RYR1: variants seen among roughly 807,000 people sequenced by gnomAD.
The protein encoded by RYR1 is ryanodine receptor 1.
RYR1 carries 342 observed loss-of-function variants against 583.5 expected under a neutral mutation model. That is an observed-to-expected ratio of 0.59 (90% CI 0.54 to 0.64). The LOEUF (loss-of-function observed/expected upper bound fraction) is 0.64. Among genes scored for constraint, RYR1 ranks in the 30% least tolerant of loss-of-function variants. The probability of loss-of-function intolerance (pLI) is 0.00; values close to 1 mark genes in which losing one functional copy is unlikely to be tolerated. For missense variants in RYR1, 6,032 were observed against 6,917.2 expected (o/e 0.87, Z 4.54); for synonymous variants, 2,791 against 2,822.5 (o/e 0.99, Z 0.35).
At chr19:38,440,901 C>T (rs375285862) in intron 2 of RYR1, 37 bp downstream of exon 2, 125 of 1,593,978 alleles carry the variant, frequency 7.8e-5, no homozygotes, top group Non-Finnish European at 9.9e-5. Flanking sequence ...GGGACAGGGG[C>T]GTCTGAAGGG....
chr19:38,519,580 A>C (rs1971131699), intron 67 of RYR1, 126 bp downstream of exon 67: 4 of 1,105,762 alleles, frequency 3.6e-6, no homozygotes, highest in Admixed American at 4.0e-5. Flanking sequence ...CAACCTTCTG[A>C]CTCTTCCTCC....
At position 38,478,455 on chromosome 19, in the gene RYR1, A is replaced by G. The variant is rs572864745; in HGVS notation, c.4475A>G (p.Tyr1492Cys). 1 of 1,613,928 alleles carries G rather than the reference A, an allele frequency of 6.2e-7. No homozygotes were observed. The highest frequency in any genetic ancestry group is 1.1e-5 in the South Asian group (1 of 91,070). The change falls in exon 31 of 106, where the codon TAC becomes TGC. Residue 1492 changes from tyrosine to cysteine, a missense_variant. By Grantham distance (194) the Tyr-to-Cys change is radical. Coordinates refer to ENST00000359596, the MANE Select transcript of RYR1 (RefSeq NM_000540.3). ...VHSSLKCSNC[Y>C]MVWGGDFVSP... ...TGCAGCCTCAAGTGTAGCAACTGCT[A>G]CATGGTGTGGGGCGGAGACTTTGTG...
At chr19:38,481,915 C>G (rs902203600) in intron 31 of RYR1, among the ~76,000 whole-genome samples, 2 of 152,000 alleles carry the variant, frequency 1.3e-5, no homozygotes, top group Non-Finnish European at 1.5e-5. Context: ...TGGTGAAACC[C>G]CATCTCTACT....
Position 38,469,004 on chromosome 19 carries a change from C to G in RYR1, c.3420C>G (p.Arg1140=), listed in dbSNP as rs201599911. The G allele has an allele frequency of 5.6e-4, 903 of 1,614,150 alleles. 3 individuals are homozygous for G. The highest frequency in any genetic ancestry group is 7.2e-4 in the Non-Finnish European group (847 of 1,180,014). ...RWHLGSEPFG[R]PWQPGDVVGC... ...ACTTGGGCAGTGAACCATTTGGGCG[C>G]CCCTGGCAGCCGGGCGATGTCGTTG... Residue 1140 remains arginine (R), a synonymous_variant, in exon 26 of 106, where the codon CGC becomes CGG. Coordinates refer to ENST00000359596, the MANE Select transcript of RYR1 (RefSeq NM_000540.3).
At chr19:38,518,715 G>C (rs892609755) in intron 66 of RYR1, among the ~76,000 whole-genome samples, 1 of 152,098 alleles carries the variant, frequency 6.6e-6, no homozygotes, top group Admixed American at 6.6e-5. Context: ...GATCTCCTGA[G>C]GTCAGGAGTT....
At position 38,512,698 on chromosome 19, in the gene RYR1, TCACACCTGTAATTC is replaced by T. The variant is rs1168111093; in HGVS notation, c.9472+218_9472+231del. On this transcript the variant is annotated intron_variant, in intron 63 of 105. Coordinates refer to ENST00000359596, the MANE Select transcript of RYR1 (RefSeq NM_000540.3). The surrounding 1 kb of genome is among the most constrained non-coding windows in gnomAD (Gnocchi z 5.1). ...ACCCTAAGTGGACTGGCGCAGTGAC[TCACACCTGTAATTC>T]CAGCACTTTGGGAGGCTGAGGCAGG... Among the ~76,000 whole-genome samples, 4 of 152,106 alleles carry T rather than the reference TCACACCTGTAATTC, an allele frequency of 2.6e-5. No individual in the cohort carries two copies. Among genetic ancestry groups the T allele is most frequent in the African/African-American group, 9.7e-5 (4 of 41,416 alleles).
intron 84 of RYR1, among the ~76,000 whole-genome samples, chr19:38,538,334 A>T (rs968183844): frequency 6.6e-6 from 1 of 152,130 alleles, no homozygotes; most frequent in Non-Finnish European, 1.5e-5. Context: ...CATGAGATGG[A>T]GGTTGCAGTG....
At chr19:38,491,822 A>C (rs751091081) in intron 37 of RYR1, among the ~76,000 whole-genome samples, 16 of 152,152 alleles carry the variant, frequency 1.1e-4, no homozygotes, top group Non-Finnish European at 2.4e-4. Context: ...CTATCAGCTC[A>C]AATATGCTGT....
rs1969130883 is a variant in RYR1 at position 38,483,643 on chromosome 19, C to A, written c.4934+127C>A. The A allele has an allele frequency of 1.2e-6, 1 of 835,070 alleles. No individual in the cohort carries two copies. The highest frequency in any genetic ancestry group is 1.9e-6 in the Non-Finnish European group (1 of 525,788). 51.7% of individuals were successfully genotyped at this position (835,070 alleles called of 1,614,324 possible). A position where few individuals can be genotyped will look rare whatever the true frequency, so the allele number is the denominator to read the frequency against. Reference sequence around the variant, plus strand: ...GACTACACCCCAGGAATCTCCAGACCTACCTCAGGGGACTCGGGCTCAGCT... The same window carrying A: ...GACTACACCCCAGGAATCTCCAGACATACCTCAGGGGACTCGGGCTCAGCT... On this transcript the variant is annotated intron_variant, in intron 33 of 105. Coordinates refer to ENST00000359596, the MANE Select transcript of RYR1 (RefSeq NM_000540.3). This position sits in a 1 kb window ranked among gnomAD's most constrained non-coding sequence, Gnocchi z 6.3.
intron 76 of RYR1, among the ~76,000 whole-genome samples, chr19:38,532,122 CT>C (rs552357645): frequency 0.13 from 18,638 of 138,542 alleles, 1,235 homozygotes; most frequent in South Asian, 0.26. Flanking sequence ...ACCAGAAGCT[CT>C]TTTTTTTTTT....
Position 38,516,088 on chromosome 19 carries a change from C to T in RYR1, c.9556C>T (p.Leu3186Phe). ...GCTAAACACAGCCCCGTCTTCCAGG[C>T]TTCGGCCAGCCCTCGGGGAGTGCCT... The part of the protein sequence containing the change: ...GTTKNTYVEK[L>F]RPALGECLAR... Residue 3186 changes from leucine (L) to phenylalanine (F), a missense_variant and splice_region_variant, in exon 65 of 106, where the codon CTT (leucine) becomes TTT (phenylalanine). By Grantham distance (22) the Leu-to-Phe change is conservative. Around this residue, in one of 11 missense-constraint regions of RYR1, gnomAD observed 1,493 missense variants for 1,715.5 expected, o/e 0.87. Transcript: ENST00000359596. The T allele has an allele frequency of 6.5e-6, 10 of 1,548,336 alleles. No individual in the cohort carries two copies. The highest frequency in any genetic ancestry group is 8.7e-6 in the Non-Finnish European group (10 of 1,146,198).
intron 90 of RYR1, among the ~76,000 whole-genome samples, chr19:38,563,688 C>T (rs757228361): frequency 1.3e-5 from 2 of 152,208 alleles, no homozygotes; most frequent in Non-Finnish European, 2.9e-5. Flanking sequence ...GAGGGGAAAA[C>T]GGAGGTCCAG....
At position 38,537,977 on chromosome 19, in the gene RYR1, T is replaced by A. The variant is rs570193864; in HGVS notation, c.11689+17T>A. 1 of 1,228,054 alleles carries A rather than the reference T, an allele frequency of 8.1e-7. No individual in the cohort carries two copies. Among genetic ancestry groups the A allele is most frequent in the Non-Finnish European group, 1.2e-6 (1 of 849,802 alleles). The allele number at this position is 1,228,054 out of a possible 1,614,324, so 76.1% of individuals were successfully genotyped here. A position where few individuals can be genotyped will look rare whatever the true frequency, so the allele number is the denominator to read the frequency against. On this transcript the variant is annotated intron_variant, in intron 84 of 105. Coordinates refer to ENST00000359596, the MANE Select transcript of RYR1 (RefSeq NM_000540.3). ...ACAATAATGGTGAGGAGGAGGGGTG[T>A]GGGGTGGAGGGGAAGCCGAGGTTTG...
intron 101 of RYR1, among the ~76,000 whole-genome samples, chr19:38,583,991 C>T (rs1974332145): frequency 6.6e-6 from 1 of 152,006 alleles, no homozygotes. Flanking sequence ...ACTCTTTCCT[C>T]ACTGATGGCG....
At chr19:38,461,819 C>A (rs1967769052) in intron 20 of RYR1, among the ~76,000 whole-genome samples, 1 of 150,188 alleles carries the variant, frequency 6.7e-6, no homozygotes, top group African/African-American at 2.5e-5. Context: ...CTTTGGGAGG[C>A]TGAGGCGGGC....
At chr19:38,564,926 G>A in intron 90 of RYR1, 33 bp from the exon 91 acceptor site, 1 of 1,555,264 alleles carries the variant, frequency 6.4e-7, no homozygotes, top group Non-Finnish European at 8.7e-7. Flanking sequence ...CCCGCTGACG[G>A]CGCCCTATCC....
At chr19:38,452,797 G>T in intron 12 of RYR1, 22 bp from the exon 13 acceptor site, 1 of 1,559,504 alleles carries the variant, frequency 6.4e-7, no homozygotes, top group South Asian at 1.2e-5. Flanking sequence ...AGCCGTGGCT[G>T]ACAGCTGCGA....
At chr19:38,516,047 A>AG in intron 64 of RYR1, 40 bp from the exon 65 acceptor site, 1 of 1,538,870 alleles carries the variant, frequency 6.5e-7, no homozygotes. Flanking sequence ...GACCCCAAAG[A>AG]GGGGGACACG....
chr19:38,579,261 C>T (rs563909150), intron 99 of RYR1, among the ~76,000 whole-genome samples: 1 of 152,086 alleles, frequency 6.6e-6, no homozygotes, highest in Admixed American at 6.6e-5. Context: ...CCCATCTCTA[C>T]TAAAAATACA....
Sources: allele counts gnomAD v4.1 joint callset (sites outside exome capture counted in the v4.1 genomes callset), GRCh38; gene constraint gnomAD v4.1.1; regional missense constraint gnomAD v4.1.1; non-coding constraint Gnocchi (gnomAD v3.1); transcripts MANE v1.5; gene names NCBI Gene and HGNC (gene_info 2026-07-23, HGNC 2026-07-21).